Variants in SMYD3 observed in about 807,000 individuals in gnomAD.
The protein encoded by SMYD3 is SET and MYND domain containing 3.
SMYD3 carries 36 observed loss-of-function variants against 57.7 expected under a neutral mutation model. The observed-to-expected ratio is 0.62, with a 90% confidence interval of 0.48 to 0.82. SMYD3 has a LOEUF of 0.82. Among genes scored for constraint, SMYD3 ranks in the 40% least tolerant of loss-of-function variants. SMYD3 has a pLI of 0.00. For synonymous variants in SMYD3, 211 were observed against 195.0 expected, an observed-to-expected ratio of 1.08 and a Z score of -0.68; for missense variants, 515 against 538.8, an observed-to-expected ratio of 0.96 and a Z score of 0.44.
At chr1:246,438,203 C>T (rs775986930) in intron 1 of SMYD3, among the ~76,000 whole-genome samples, 34 of 152,076 alleles carry the variant, frequency 2.2e-4, no homozygotes, top group Non-Finnish European at 1.2e-4. Context: ...TTCTGGCAAA[C>T]GTTCAGAGGG....
At chr1:246,055,186 A>C (rs200299108) in intron 5 of SMYD3, among the ~76,000 whole-genome samples, 15 of 90,802 alleles carry the variant, frequency 1.7e-4, no homozygotes, top group African/African-American at 1.1e-3. Flanking sequence ...AGAAAAAAAC[A>C]AAAAAAAAAA....
chr1:245,866,365 T>G (rs202218561), intron 8 of SMYD3, among the ~76,000 whole-genome samples: 1 of 96,752 alleles, frequency 1.0e-5, no homozygotes, highest in Admixed American at 9.9e-5. Flanking sequence ...TAGGTGCACT[T>G]TTTTTTTTTA....
intron 5 of SMYD3, among the ~76,000 whole-genome samples, chr1:246,122,710 C>T (rs2061442500): frequency 6.6e-6 from 1 of 152,172 alleles, no homozygotes; most frequent in Non-Finnish European, 1.5e-5. Flanking sequence ...CTCTGGATTG[C>T]CCAGTAACCA....
At chr1:246,028,515 A>G (rs1315428793) in intron 5 of SMYD3, among the ~76,000 whole-genome samples, 1 of 152,210 alleles carries the variant, frequency 6.6e-6, no homozygotes, top group Non-Finnish European at 1.5e-5. Flanking sequence ...TCTAACAATA[A>G]ATTTATTGAA....
intron 5 of SMYD3, among the ~76,000 whole-genome samples, chr1:246,206,913 C>A (rs1211117363): frequency 6.6e-6 from 1 of 152,116 alleles, no homozygotes; most frequent in Non-Finnish European, 1.5e-5. Flanking sequence ...AGAAAAATAA[C>A]TCGTATTAAT....
intron 5 of SMYD3, among the ~76,000 whole-genome samples, chr1:246,159,558 C>A (rs1470109617): frequency 4.0e-5 from 6 of 151,350 alleles, no homozygotes; most frequent in African/African-American, 1.2e-4. Context: ...CCTTTTGTAG[C>A]CCCGAAAAAA....
chr1:245,913,140 A>G (rs2147763143), intron 8 of SMYD3, among the ~76,000 whole-genome samples: 1 of 152,320 alleles, frequency 6.6e-6, no homozygotes, highest in East Asian at 1.9e-4. Flanking sequence ...AGACTGGATT[A>G]AGAAAATGTG....
intron 5 of SMYD3, among the ~76,000 whole-genome samples, chr1:246,136,906 G>T (rs2061673687): frequency 6.6e-6 from 1 of 152,164 alleles, no homozygotes; most frequent in African/African-American, 2.4e-5. Flanking sequence ...TGTATGCACA[G>T]ACCTAACTAA....
intron 5 of SMYD3, among the ~76,000 whole-genome samples, chr1:246,239,301 A>T (rs113317335): frequency 8.2e-4 from 124 of 152,088 alleles, no homozygotes; most frequent in African/African-American, 2.8e-3. Context: ...CCTGTGTCCA[A>T]GTGTTCTCAT....
At chr1:246,441,798 G>A (rs976008039) in intron 1 of SMYD3, among the ~76,000 whole-genome samples, 1 of 152,196 alleles carries the variant, frequency 6.6e-6, no homozygotes, top group East Asian at 1.9e-4. Flanking sequence ...TTTTAGTAGA[G>A]ATGAGGTTTC....
At chr1:245,896,405 A>AAAAT (rs1290411559) in intron 8 of SMYD3, among the ~76,000 whole-genome samples, 10 of 151,648 alleles carry the variant, frequency 6.6e-5, no homozygotes, top group Non-Finnish European at 1.5e-4. Flanking sequence ...AAAAAAAAAA[A>AAAAT]ACAGGCAATG....
intron 5 of SMYD3, among the ~76,000 whole-genome samples, chr1:246,293,728 T>C (rs559906633): frequency 6.6e-6 from 1 of 152,306 alleles, no homozygotes; most frequent in Admixed American, 6.5e-5. Context: ...TAAATCTTCA[T>C]CTTTGCTGGC....
intron 8 of SMYD3, among the ~76,000 whole-genome samples, chr1:245,909,061 G>A (rs578022537): frequency 3.3e-5 from 5 of 151,994 alleles, no homozygotes; most frequent in East Asian, 3.9e-4. Context: ...ATTAATAAAC[G>A]ACTTGCTAGA....
intron 10 of SMYD3, among the ~76,000 whole-genome samples, chr1:245,769,717 T>C (rs2046262566): frequency 6.6e-6 from 1 of 152,192 alleles, no homozygotes; most frequent in South Asian, 2.1e-4. Flanking sequence ...TTTTCAGAGA[T>C]ACAAAACTGA....
intron 5 of SMYD3, among the ~76,000 whole-genome samples, chr1:246,169,057 GTC>G (rs1179534930): frequency 6.6e-6 from 1 of 152,054 alleles, no homozygotes; most frequent in African/African-American, 2.4e-5. Flanking sequence ...ATGAAAAGAA[GTC>G]TCTGCTTCAC....
At chr1:246,191,906 AACTTC>A (rs1259626776) in intron 5 of SMYD3, among the ~76,000 whole-genome samples, 1 of 152,214 alleles carries the variant, frequency 6.6e-6, no homozygotes, top group African/African-American at 2.4e-5. Context: ...ATAAATGAGA[AACTTC>A]AGCAATCGGT....
intron 5 of SMYD3, among the ~76,000 whole-genome samples, chr1:246,286,949 C>T (rs1031288027): frequency 1.3e-5 from 2 of 151,076 alleles, no homozygotes; most frequent in Admixed American, 6.6e-5. Context: ...TCGGCTATTG[C>T]AACCTCCGCC....
intron 10 of SMYD3, among the ~76,000 whole-genome samples, chr1:245,807,314 T>A (rs1466416171): frequency 6.6e-6 from 1 of 152,044 alleles, no homozygotes; most frequent in Non-Finnish European, 1.5e-5. Flanking sequence ...TGCTTATGAT[T>A]ACAGCTCTGC....
intron 5 of SMYD3, among the ~76,000 whole-genome samples, chr1:246,315,238 A>G (rs994905773): frequency 6.6e-6 from 1 of 152,218 alleles, no homozygotes; most frequent in Non-Finnish European, 1.5e-5. Flanking sequence ...CATGAAATTT[A>G]TAGTCTAAGT....
Sources: gnomAD v4.1 joint callset for allele counts (sites outside exome capture counted in the v4.1 genomes callset) on GRCh38, gnomAD v4.1.1 for gene constraint, MANE v1.5 for transcripts, NCBI Gene and HGNC (gene_info 2026-07-23, HGNC 2026-07-21) for gene names.